KCNJ5: variants seen among roughly 807,000 people sequenced by gnomAD.
KCNJ5 encodes the protein G protein-activated inward rectifier potassium channel 4.
Under a neutral mutation model 20.2 loss-of-function variants are expected in KCNJ5, and 12 were observed. The ratio of observed to expected loss-of-function variants is 0.59; its 90% CI spans 0.38 to 0.96. The LOEUF is 0.96. Ranked by LOEUF, KCNJ5 falls within the 40% of genes least tolerant of loss-of-function variation. The pLI is 0.00. For missense variants in KCNJ5, 449 were observed against 557.6 expected (o/e 0.81, Z 1.96); for synonymous variants, 210 against 213.9 (o/e 0.98, Z 0.16).
At chr11:128,891,823 A>G (rs1432449282) in intron 1 of KCNJ5, 102 bp downstream of exon 1, 1 of 152,284 alleles carries the variant, frequency 6.6e-6, no homozygotes, top group East Asian at 1.9e-4. Flanking sequence ...GCAGGCTTTC[A>G]CAGGGAACCT....
Position 128,916,538 on chromosome 11 carries a change from A to C in KCNJ5, c.1067A>C (p.Glu356Ala), listed in dbSNP as rs1304817518. Residue 356 changes from glutamate to alanine, a missense_variant, in exon 3 of 3, where the codon GAG becomes GCG. Coordinates refer to ENST00000529694, the MANE Select transcript of KCNJ5 (RefSeq NM_000890.5). Reference sequence around the variant, plus strand: ...TACAACACCTTCCATGATACCTATGAGACCAACACACCCAGCTGCTGTGCC... The same window carrying C: ...TACAACACCTTCCATGATACCTATGCGACCAACACACCCAGCTGCTGTGCC... ...VDYNTFHDTY[E>A]TNTPSCCAKE... 6.2e-7 allele frequency: 1 copy of C among 1,614,164 alleles called. No individual in the cohort carries two copies. Among genetic ancestry groups the C allele is most frequent in the East Asian group, 2.2e-5 (1 of 44,872 alleles).
At chr11:128,906,769 T>C (rs1220467563) in intron 1 of KCNJ5, among the ~76,000 whole-genome samples, 3 of 152,204 alleles carry the variant, frequency 2.0e-5, no homozygotes, top group East Asian at 1.9e-4. Flanking sequence ...GGGCTTGTGA[T>C]TGGGTCAAGC....
chr11:128,908,478 G>A (rs1285119547), intron 1 of KCNJ5, among the ~76,000 whole-genome samples: 5 of 152,146 alleles, frequency 3.3e-5, no homozygotes, highest in Admixed American at 2.0e-4. Context: ...TGATTCCAGC[G>A]CACAGGAATG....
chr11:128,896,607 GGTGT>G lies in KCNJ5; in HGVS notation c.-11+4908_-11+4911del, dbSNP rs142872056. 9.1e-3 allele frequency among the ~76,000 whole-genome samples: 1,362 copies of G among 149,242 alleles called. 19 individuals are homozygous for G. The highest frequency in any genetic ancestry group is 0.031 in the African/African-American group (1,272 of 40,614). On this transcript the variant is annotated intron_variant, in intron 1 of 2. Coordinates refer to ENST00000529694, the MANE Select transcript of KCNJ5 (RefSeq NM_000890.5). ...GGAGTGTGCATGTGTGCTTGTTGGG[GGTGT>G]GTGTGTGTGTGTGTGTGTGTGGTTT...
chr11:128,915,530 G>A (rs916313766), intron 2 of KCNJ5, among the ~76,000 whole-genome samples: 2 of 151,936 alleles, frequency 1.3e-5, no homozygotes, highest in Admixed American at 1.3e-4. Context: ...TAATCTTCTA[G>A]ACCTGAATGC....
chr11:128,918,978 C>G lies in KCNJ5; in HGVS notation c.*2247C>G, dbSNP rs1438217962. 6.6e-6 allele frequency: 1 copy of G among 152,050 alleles called. No homozygotes were observed. Among genetic ancestry groups the G allele is most frequent in the East Asian group, 1.9e-4 (1 of 5,176 alleles). The allele number at this position is 152,050 out of a possible 1,614,324, so 9.4% of individuals were successfully genotyped here. Reference sequence around the variant, plus strand: ...CCCCCAGGAGTCTCAGAAAGGCAGCCCATCACTAAGGCTGGATGCCTTTCA... The same window carrying G: ...CCCCCAGGAGTCTCAGAAAGGCAGCGCATCACTAAGGCTGGATGCCTTTCA... On this transcript the variant is annotated 3_prime_UTR_variant, in exon 3 of 3. Transcript: ENST00000529694.
At chr11:128,902,388 C>T in intron 1 of KCNJ5, 1 of 801,832 alleles carries the variant, frequency 1.2e-6, no homozygotes, top group East Asian at 2.7e-5. Context: ...AACTGGAGGA[C>T]TATCGCACTG....
chr11:128,904,285 C>T, intron 1 of KCNJ5: 1 of 1,227,230 alleles, frequency 8.1e-7, no homozygotes, highest in South Asian at 1.5e-5. Flanking sequence ...CTCTTCCTCG[C>T]CCACCCCAGA....
intron 2 of KCNJ5, 136 bp downstream of exon 2, chr11:128,912,346 G>A (rs1763364682): frequency 2.6e-6 from 2 of 758,054 alleles, no homozygotes; most frequent in Admixed American, 1.9e-5. Context: ...TCCCTAAATT[G>A]TGGTTTGAGG....
chr11:128,907,016 G>A (rs1488938721), intron 1 of KCNJ5, among the ~76,000 whole-genome samples: 3 of 152,172 alleles, frequency 2.0e-5, no homozygotes, highest in Admixed American at 6.5e-5. Context: ...GGGCCTTGAG[G>A]GGACTGGGGC....
intron 1 of KCNJ5, chr11:128,902,315 T>C: frequency 1.7e-6 from 1 of 582,564 alleles, no homozygotes; most frequent in East Asian, 3.0e-5. Flanking sequence ...AGCCCTCCTC[T>C]GGAAGGACTC....
rs1944590227 is a variant in KCNJ5, at chr11:128,916,726, G to A, written c.1255G>A (p.Val419Met). Reference sequence around the variant, plus strand: ...TGGGTCCAGGGAGGCCAGGGGCTCGGTGTGAGGGGTGCAGCCTCCCTAAGA... The same window carrying A: ...TGGGTCCAGGGAGGCCAGGGGCTCGATGTGAGGGGTGCAGCCTCCCTAAGA... ...LGGSREARGSV is the reference protein window; with the variant it reads ...LGGSREARGSM Residue 419 changes from valine to methionine, a missense_variant, in exon 3 of 3, where the codon GTG becomes ATG. This residue lies in a region of KCNJ5 where 64 missense variants were observed against 51.3 expected (regional missense o/e 1.25). Coordinates refer to ENST00000529694, the MANE Select transcript of KCNJ5 (RefSeq NM_000890.5). The A allele has an allele frequency of 6.3e-7, 1 of 1,598,424 alleles. No individual in the cohort carries two copies. Among genetic ancestry groups the A allele is most frequent in the African/African-American group, 1.3e-5 (1 of 74,500 alleles).
chr11:128,894,182 TG>T (rs1944136672), intron 1 of KCNJ5, among the ~76,000 whole-genome samples: 1 of 49,096 alleles, frequency 2.0e-5, no homozygotes, highest in Non-Finnish European at 3.9e-5. Flanking sequence ...ACTTCTGCAT[TG>T]TTTTTTTTTT....
At chr11:128,904,693 C>T (rs1944365280) in intron 1 of KCNJ5, 8 of 617,956 alleles carry the variant, frequency 1.3e-5, no homozygotes, top group Non-Finnish European at 2.1e-5. Context: ...TGTGAGTCGA[C>T]CTCCTTCTAT....
intron 1 of KCNJ5, among the ~76,000 whole-genome samples, chr11:128,903,807 G>T (rs1944338153): frequency 1.3e-5 from 2 of 152,158 alleles, no homozygotes; most frequent in African/African-American, 4.8e-5. Context: ...GGAGAACACA[G>T]CCCTGGCTGG....
At chr11:128,901,873 C>A (rs984964841) in intron 1 of KCNJ5, 5 of 152,796 alleles carry the variant, frequency 3.3e-5, no homozygotes, top group African/African-American at 1.2e-4. Context: ...AACAGCTTGG[C>A]AATCAGAGAA....
In KCNJ5 at chr11:128,911,977, G is replaced by A. The variant is rs1475852457; in HGVS notation, c.704G>A (p.Arg235Gln). The A allele has an allele frequency of 5.0e-6, 8 of 1,602,884 alleles. No individual in the cohort carries two copies. Among genetic ancestry groups the A allele is most frequent in the South Asian group, 1.1e-5 (1 of 89,692 alleles). The part of the protein sequence containing the change: ...RNSHIVEASI[R>Q]AKLIKSRQTK... ...TCCCACATCGTGGAGGCCTCCATCC[G>A]GGCCAAGCTCATCAAGTCCCGGCAG... The change falls in exon 2 of 3, where the codon CGG becomes CAG. Residue 235 changes from arginine to glutamine, a missense_variant. Coordinates refer to ENST00000529694, the MANE Select transcript of KCNJ5 (RefSeq NM_000890.5). The surrounding 1 kb of genome is among the most constrained non-coding windows in gnomAD (Gnocchi z 6.3).
At chr11:128,903,422 T>C in intron 1 of KCNJ5, 2 of 1,614,052 alleles carry the variant, frequency 1.2e-6, no homozygotes, top group Non-Finnish European at 8.5e-7. Flanking sequence ...GACTCACAGG[T>C]TCTGGTTACT....
At position 128,917,057 on chromosome 11, in the gene KCNJ5, T is replaced by A. The variant is rs1944595784; in HGVS notation, c.*326T>A. On this transcript the variant is annotated 3_prime_UTR_variant, in exon 3 of 3. Transcript: ENST00000529694. ...GCCCTGGGTCACTTCCTTTTTTGGGTCTCACAGACCCCTCCAGGGGCTGAC... is the reference window on the plus strand; with the variant it reads ...GCCCTGGGTCACTTCCTTTTTTGGGACTCACAGACCCCTCCAGGGGCTGAC... 4 of 245,900 alleles carry A rather than the reference T, an allele frequency of 1.6e-5. No individual in the cohort carries two copies. Among genetic ancestry groups the A allele is most frequent in the Admixed American group, 5.0e-5 (1 of 19,932 alleles). The allele number at this position is 245,900 out of a possible 1,614,324, so 15.2% of individuals were successfully genotyped here.
Sources: gnomAD v4.1 joint callset for allele counts (sites outside exome capture counted in the v4.1 genomes callset) on GRCh38, gnomAD v4.1.1 for gene constraint, gnomAD v4.1.1 regional missense constraint, Gnocchi (gnomAD v3.1) non-coding constraint, MANE v1.5 for transcripts, NCBI Gene and HGNC (gene_info 2026-07-23, HGNC 2026-07-21) for gene names.